The following NRXN3 variants were observed in gnomAD, a reference collection of about 807,000 sequenced individuals.
NRXN3 encodes the protein neurexin 3.
NRXN3 carries 32 observed loss-of-function variants against 137.6 expected under a neutral mutation model. The ratio of observed to expected loss-of-function variants is 0.23; its 90% confidence interval spans 0.18 to 0.31. The LOEUF is 0.31. NRXN3 is among the 10% of genes least tolerant of loss of function. NRXN3 has a pLI of 1.00. For missense variants in NRXN3, 1,574 were observed against 2,062.5 expected (o/e 0.76, Z 4.59); for synonymous variants, 798 against 784.5 (o/e 1.02, Z -0.29).
At chr14:79,278,860 C>T (rs1183515193) in intron 15 of NRXN3, among the ~76,000 whole-genome samples, 1 of 152,192 alleles carries the variant, frequency 6.6e-6, no homozygotes, top group Non-Finnish European at 1.5e-5. Flanking sequence ...GACACACGCG[C>T]CTGGAGAGTG....
chr14:78,596,197 G>A (rs910303871), intron 4 of NRXN3, among the ~76,000 whole-genome samples: 6 of 152,184 alleles, frequency 3.9e-5, no homozygotes, highest in African/African-American at 1.4e-4. Flanking sequence ...TTACACACTG[G>A]ATCTCTAGAT....
At chr14:78,546,044 T>C (rs780830685) in intron 4 of NRXN3, among the ~76,000 whole-genome samples, 1 of 152,224 alleles carries the variant, frequency 6.6e-6, no homozygotes, top group African/African-American at 2.4e-5. Context: ...ATAAATATCA[T>C]TGTGTATTTG....
chr14:79,068,475 A>G (rs2152700449), intron 15 of NRXN3, among the ~76,000 whole-genome samples: 1 of 152,212 alleles, frequency 6.6e-6, no homozygotes. Context: ...CATGCCTGCT[A>G]TCTTATATTT....
chr14:79,066,710 G>C (rs752634195), intron 15 of NRXN3, among the ~76,000 whole-genome samples: 5 of 151,752 alleles, frequency 3.3e-5, no homozygotes, highest in Admixed American at 1.3e-4. Flanking sequence ...CCTAGGTATT[G>C]TATTCTTTCT....
At chr14:79,382,421 C>T (rs1007630215) in intron 15 of NRXN3, among the ~76,000 whole-genome samples, 72 of 152,100 alleles carry the variant, frequency 4.7e-4, no homozygotes, top group African/African-American at 1.7e-3. Context: ...ATAAGTTGTG[C>T]AGATAAGGTC....
intron 16 of NRXN3, among the ~76,000 whole-genome samples, chr14:79,549,960 GTGTTTGTTTGTTTGTTAGTT>G (rs2097358318): frequency 7.4e-6 from 1 of 134,418 alleles, no homozygotes; most frequent in Admixed American, 7.6e-5. Context: ...ATATTGTTGG[GTGTTTGTTTGTTTGTTAGTT>G]TGTTTGTTTG....
At chr14:79,812,357 T>G (rs190228973) in intron 20 of NRXN3, among the ~76,000 whole-genome samples, 106 of 152,240 alleles carry the variant, frequency 7.0e-4, no homozygotes, top group African/African-American at 2.4e-3. Flanking sequence ...TTCCAGAAGT[T>G]CAGTTTATTA....
At chr14:78,492,891 T>G (rs1379086965) in intron 4 of NRXN3, among the ~76,000 whole-genome samples, 1 of 152,250 alleles carries the variant, frequency 6.6e-6, no homozygotes, top group Non-Finnish European at 1.5e-5. Flanking sequence ...TATGTTTATG[T>G]GTAAGCATAG....
Position 79,862,062 on chromosome 14 carries a change from G to T in NRXN3, c.*98G>T. On this transcript the variant is annotated 3_prime_UTR_variant, in exon 21 of 21. Transcript: ENST00000335750. The stretch of plus-strand genomic sequence containing the variant: ...GATCTCACAGATGTCAGAACTGCTG[G>T]AACTATGAAATGGGGTATATAACCA... 11 of 1,054,678 alleles carry T rather than the reference G, an allele frequency of 1.0e-5. No homozygotes were observed. The highest frequency in any genetic ancestry group is 1.6e-5 in the South Asian group (1 of 61,350). 65.3% of individuals were successfully genotyped at this position (1,054,678 alleles called of 1,614,324 possible).
chr14:79,321,898 CAT>C (rs940453746), intron 15 of NRXN3, among the ~76,000 whole-genome samples: 6 of 149,588 alleles, frequency 4.0e-5, no homozygotes, highest in Admixed American at 2.0e-4. Context: ...CACACACACA[CAT>C]ATATATATGT....
At chr14:79,005,366 T>G (rs2099550215) in intron 15 of NRXN3, among the ~76,000 whole-genome samples, 1 of 152,230 alleles carries the variant, frequency 6.6e-6, no homozygotes. Flanking sequence ...CTCAGTATGT[T>G]CTTTTTTGTG....
intron 4 of NRXN3, among the ~76,000 whole-genome samples, chr14:78,607,315 C>G (rs897272131): frequency 6.6e-6 from 1 of 152,176 alleles, no homozygotes; most frequent in African/African-American, 2.4e-5. Flanking sequence ...TCCATGAAAG[C>G]ATTTGATCCT....
At chr14:78,387,479 C>T (rs2090140763) in intron 4 of NRXN3, among the ~76,000 whole-genome samples, 2 of 152,160 alleles carry the variant, frequency 1.3e-5, no homozygotes, top group South Asian at 2.1e-4. Context: ...TTGATAATAC[C>T]TGCCCTACAT....
At chr14:79,235,943 G>A (rs1039460097) in intron 15 of NRXN3, among the ~76,000 whole-genome samples, 1 of 152,062 alleles carries the variant, frequency 6.6e-6, no homozygotes, top group Admixed American at 6.6e-5. Flanking sequence ...TGATTCTGTA[G>A]AGAATTAACA....
At chr14:79,370,930 T>C (rs1177884471) in intron 15 of NRXN3, among the ~76,000 whole-genome samples, 1 of 152,166 alleles carries the variant, frequency 6.6e-6, no homozygotes, top group African/African-American at 2.4e-5. Flanking sequence ...TGCAAAAATG[T>C]TACTCTATTT....
chr14:79,403,854 G>T (rs542457696), intron 15 of NRXN3, among the ~76,000 whole-genome samples: 1 of 152,124 alleles, frequency 6.6e-6, no homozygotes, highest in South Asian at 2.1e-4. Flanking sequence ...AGCTTGACAC[G>T]ATGGAGCAAA....
At chr14:78,548,354 G>A (rs2152158262) in intron 4 of NRXN3, among the ~76,000 whole-genome samples, 1 of 152,254 alleles carries the variant, frequency 6.6e-6, no homozygotes, top group South Asian at 2.1e-4. Flanking sequence ...GTGGCTTTGA[G>A]CTATAGGTTG....
chr14:79,011,222 C>G (rs1441146113), intron 15 of NRXN3, among the ~76,000 whole-genome samples: 3 of 152,190 alleles, frequency 2.0e-5, no homozygotes, highest in Admixed American at 1.3e-4. Flanking sequence ...TGTAAATTCA[C>G]TAGACACTGA....
chr14:78,972,817 G>T (rs2099447906), intron 14 of NRXN3: 1 of 152,196 alleles, frequency 6.6e-6, no homozygotes, highest in South Asian at 2.1e-4. Flanking sequence ...TGTTATCCTG[G>T]TTTATTCTAC....
Sources: allele counts gnomAD v4.1 joint callset (sites outside exome capture counted in the v4.1 genomes callset), GRCh38; gene constraint gnomAD v4.1.1; transcripts MANE v1.5; gene names NCBI Gene and HGNC (gene_info 2026-07-23, HGNC 2026-07-21).